The following KIAA0825 variants were observed in gnomAD, a reference collection of about 807,000 sequenced individuals.
KIAA0825 encodes KIAA0825.
In KIAA0825, 119 loss-of-function variants were observed where a neutral mutation model predicts 147.6. The observed-to-expected ratio is 0.81, with a 90% confidence interval of 0.69 to 0.94. The LOEUF (loss-of-function observed/expected upper bound fraction) is 0.94. KIAA0825 is among the 40% of genes least tolerant of loss of function. KIAA0825 has a pLI of 0.00. For synonymous variants in KIAA0825, 470 were observed against 518.1 expected (o/e 0.91, Z 1.26); for missense variants, 1,381 against 1,472.7 (o/e 0.94, Z 1.02).
intron 3 of KIAA0825, among the ~76,000 whole-genome samples, chr5:94,524,658 T>C (rs982955910): frequency 6.6e-6 from 1 of 151,440 alleles, no homozygotes; most frequent in Non-Finnish European, 1.5e-5. Flanking sequence ...CAAAAATTAC[T>C]AAAAATTGCA....
At position 94,154,055 on chromosome 5, in the gene KIAA0825, A is replaced by C; in HGVS notation, c.3780T>G (p.Ile1260Met). ...AGGCAGAAGAGTTCTGTGGGGTGCA[A>C]ATTTGTTTTAAGTGCTCCAGTATTG... is the stretch of plus-strand genomic sequence containing the variant. Reference protein sequence around the residue: ...EKAILEHLKQICTPQNSSASD... With the variant: ...EKAILEHLKQMCTPQNSSASD... The change falls in exon 21 of 21, where the codon ATT becomes ATG. Residue 1260 changes from isoleucine (I) to methionine (M), a missense_variant. Ile to Met is a conservative substitution (Grantham distance 10, BLOSUM62 1). Transcript: ENST00000682413. 1 of 1,551,634 alleles carries C rather than the reference A, an allele frequency of 6.4e-7. No homozygotes were observed. The highest frequency in any genetic ancestry group is 2.4e-5 in the East Asian group (1 of 40,906).
chr5:94,593,952 A>G (rs1784806897), intron 1 of KIAA0825: 1 of 459,280 alleles, frequency 2.2e-6, no homozygotes. Flanking sequence ...TGTGACCCAA[A>G]TAAATCCATC....
chr5:94,427,531 G>A (rs570171827), intron 14 of KIAA0825, among the ~76,000 whole-genome samples: 1 of 151,958 alleles, frequency 6.6e-6, no homozygotes, highest in East Asian at 1.9e-4. Flanking sequence ...GCAAGACCCT[G>A]TCTCAAAAAA....
chr5:94,583,441 C>G (rs926461777), intron 1 of KIAA0825, among the ~76,000 whole-genome samples: 6 of 152,200 alleles, frequency 3.9e-5, no homozygotes, highest in African/African-American at 1.4e-4. Context: ...GATGCTGGAG[C>G]TTGGCAGTGG....
intron 3 of KIAA0825, among the ~76,000 whole-genome samples, chr5:94,535,193 C>G (rs1396735981): frequency 2.0e-5 from 3 of 151,742 alleles, no homozygotes. Flanking sequence ...CTCCTTTTTC[C>G]TTAGAGCATT....
At chr5:94,351,931 T>C (rs1783716375) in intron 20 of KIAA0825, among the ~76,000 whole-genome samples, 1 of 152,174 alleles carries the variant, frequency 6.6e-6, no homozygotes, top group South Asian at 2.1e-4. Flanking sequence ...CAACTCAAGA[T>C]GGATTAAGCA....
intron 1 of KIAA0825, among the ~76,000 whole-genome samples, chr5:94,591,949 C>T (rs1185829032): frequency 2.0e-5 from 3 of 152,062 alleles, no homozygotes; most frequent in Non-Finnish European, 4.4e-5. Flanking sequence ...TGGGAAAGAC[C>T]CACCCCCTTG....
intron 20 of KIAA0825, among the ~76,000 whole-genome samples, chr5:94,355,843 T>A (rs1011060008): frequency 6.6e-6 from 1 of 152,246 alleles, no homozygotes; most frequent in East Asian, 1.9e-4. Context: ...GGTTTAGGTA[T>A]GTTTGTTAAA....
At chr5:94,478,450 A>C (rs1762137481) in intron 6 of KIAA0825, among the ~76,000 whole-genome samples, 1 of 90,602 alleles carries the variant, frequency 1.1e-5, no homozygotes, top group Non-Finnish European at 2.2e-5. Context: ...GCACATGTGC[A>C]TCACACACAC....
chr5:94,271,926 A>T (rs1196452184), intron 20 of KIAA0825, among the ~76,000 whole-genome samples: 1 of 152,124 alleles, frequency 6.6e-6, no homozygotes, highest in Non-Finnish European at 1.5e-5. Flanking sequence ...AGTATTCATC[A>T]ACAGACAAGT....
chr5:94,428,880 TTTTG>T (rs1244914182), intron 14 of KIAA0825, among the ~76,000 whole-genome samples: 9 of 152,268 alleles, frequency 5.9e-5, no homozygotes, highest in African/African-American at 2.2e-4. Flanking sequence ...TTCTTAATGA[TTTTG>T]TTTATTTTCT....
chr5:94,206,488 C>A (rs1256437421), intron 20 of KIAA0825, among the ~76,000 whole-genome samples: 1 of 152,062 alleles, frequency 6.6e-6, no homozygotes, highest in Non-Finnish European at 1.5e-5. Flanking sequence ...AAGTTGATTT[C>A]TTTTTGCTGA....
At chr5:94,331,053 G>A (rs868229835) in intron 20 of KIAA0825, among the ~76,000 whole-genome samples, 5 of 151,766 alleles carry the variant, frequency 3.3e-5, no homozygotes, top group East Asian at 1.9e-4. Flanking sequence ...CAGGAGAATC[G>A]CTGGAACCTG....
At chr5:94,466,447 AG>A (rs2150969830) in intron 10 of KIAA0825, among the ~76,000 whole-genome samples, 1 of 152,234 alleles carries the variant, frequency 6.6e-6, no homozygotes, top group African/African-American at 2.4e-5. Context: ...TTAAGAAAAA[AG>A]AAATTACACA....
intron 5 of KIAA0825, among the ~76,000 whole-genome samples, chr5:94,513,993 T>C (rs1766861540): frequency 6.6e-6 from 1 of 152,190 alleles, no homozygotes; most frequent in South Asian, 2.1e-4. Flanking sequence ...AATGCTTTCA[T>C]TTTTTCACCC....
chr5:94,315,458 G>C (rs1421084552), intron 20 of KIAA0825, among the ~76,000 whole-genome samples: 1 of 151,586 alleles, frequency 6.6e-6, no homozygotes, highest in Non-Finnish European at 1.5e-5. Context: ...TGCTATAGCA[G>C]TTGGTAAATC....
At chr5:94,560,676 C>T (rs1777382941) in intron 2 of KIAA0825, among the ~76,000 whole-genome samples, 1 of 152,110 alleles carries the variant, frequency 6.6e-6, no homozygotes, top group South Asian at 2.1e-4. Flanking sequence ...TTCTTGGATA[C>T]TTTTTCTCCG....
intron 5 of KIAA0825, among the ~76,000 whole-genome samples, chr5:94,512,883 G>A (rs199642103): frequency 3.3e-5 from 5 of 152,090 alleles, no homozygotes; most frequent in African/African-American, 1.2e-4. Context: ...GCGATAGAGC[G>A]AGACTCCATC....
chr5:94,197,953 T>C (rs13181660), intron 20 of KIAA0825, among the ~76,000 whole-genome samples: 16,448 of 152,206 alleles, frequency 0.11, 988 homozygotes, highest in Middle Eastern at 0.14. Context: ...GGCTATTTGG[T>C]TTCTTGTTCA....
Sources: allele counts gnomAD v4.1 joint callset (sites outside exome capture counted in the v4.1 genomes callset), GRCh38; gene constraint gnomAD v4.1.1; transcripts MANE v1.5; gene names NCBI Gene and HGNC (gene_info 2026-07-23, HGNC 2026-07-21).